KCNK1: variants seen among roughly 807,000 people sequenced by gnomAD.
KCNK1 encodes potassium two pore domain channel subfamily K member 1.
Under a neutral mutation model 22.2 loss-of-function variants are expected in KCNK1, and 10 were observed. That is an observed-to-expected ratio of 0.45 (90% CI 0.28 to 0.76). The LOEUF (loss-of-function observed/expected upper bound fraction) is 0.76, where lower values mean the gene tolerates loss of function less well. KCNK1 is among the 30% of genes least tolerant of loss of function. KCNK1 has a pLI of 0.14. For synonymous variants in KCNK1, 200 were observed against 186.4 expected (o/e 1.07, Z -0.60); for missense variants, 378 against 421.0 (o/e 0.90, Z 0.89).
At chr1:233,633,814 G>A (rs374322698) in intron 1 of KCNK1, among the ~76,000 whole-genome samples, 6 of 152,072 alleles carry the variant, frequency 3.9e-5, no homozygotes, top group Admixed American at 3.3e-4. Flanking sequence ...ATTAAGCCTC[G>A]TTAATGGTAG....
intron 1 of KCNK1, among the ~76,000 whole-genome samples, chr1:233,646,278 A>G (rs954105554): frequency 6.6e-6 from 1 of 152,166 alleles, no homozygotes; most frequent in Non-Finnish European, 1.5e-5. Context: ...TTTCCAAAAA[A>G]GATACCCATA....
chr1:233,656,655 C>T (rs1305264899), intron 1 of KCNK1, among the ~76,000 whole-genome samples: 4 of 152,166 alleles, frequency 2.6e-5, no homozygotes, highest in Non-Finnish European at 5.9e-5. Flanking sequence ...AGTCTCTCGT[C>T]GTCTAGGCTG....
At chr1:233,620,866 A>G (rs1176104355) in intron 1 of KCNK1, among the ~76,000 whole-genome samples, 8 of 152,242 alleles carry the variant, frequency 5.3e-5, no homozygotes, top group East Asian at 1.9e-4. Flanking sequence ...TTAAAATAAC[A>G]TCTTTATTGA....
intron 1 of KCNK1, among the ~76,000 whole-genome samples, chr1:233,648,933 T>C (rs571729614): frequency 7.2e-4 from 109 of 152,264 alleles, no homozygotes; most frequent in Non-Finnish European, 1.2e-3. Context: ...GCTCCATACC[T>C]TCTTTATTCT....
chr1:233,657,640 A>G (rs1403848754), intron 1 of KCNK1, among the ~76,000 whole-genome samples: 1 of 152,042 alleles, frequency 6.6e-6, no homozygotes, highest in Non-Finnish European at 1.5e-5. Flanking sequence ...AAGAAAAGAA[A>G]GAAAAAAGAA....
Position 233,666,877 on chromosome 1 carries a change from T to C in KCNK1, c.638T>C (p.Leu213Pro), listed in dbSNP as rs996357298. The C allele has an allele frequency of 2.5e-6, 4 of 1,614,054 alleles. No individual in the cohort carries two copies. The African/African-American group carries it at 4.0e-5, about 16-fold the overall frequency. The change falls in exon 2 of 3, where the codon CTG (leucine) becomes CCG (proline). Residue 213 changes from leucine (L) to proline (P), a missense_variant. Coordinates refer to ENST00000366621, the MANE Select transcript of KCNK1 (RefSeq NM_002245.4). The part of the protein sequence containing the change: ...FSVLEDDWNF[L>P]ESFYFCFISL... ...GTCCTGGAGGATGACTGGAACTTCC[T>C]GGAATCCTTTTATTTTTGTTTTATT...
At chr1:233,642,449 G>A (rs72762246) in intron 1 of KCNK1, among the ~76,000 whole-genome samples, 49,233 of 152,074 alleles carry the variant, frequency 0.32, 9,072 homozygotes, top group East Asian at 0.41. Context: ...TGGCCCTGAG[G>A]GGCTTGAAGA....
chr1:233,620,641 G>C (rs1276729033), intron 1 of KCNK1, among the ~76,000 whole-genome samples: 2 of 152,126 alleles, frequency 1.3e-5, no homozygotes, highest in Non-Finnish European at 2.9e-5. Context: ...GTATTAGCCA[G>C]AAGAGAGATC....
At chr1:233,626,939 A>G (rs983543379) in intron 1 of KCNK1, among the ~76,000 whole-genome samples, 3 of 152,210 alleles carry the variant, frequency 2.0e-5, no homozygotes, top group African/African-American at 7.2e-5. Context: ...AGGAGTAGCT[A>G]ATATTAAATA....
rs914895463 is a variant in KCNK1 at position 233,672,210 on chromosome 1, G to A, written c.*680G>A. On this transcript the variant is annotated 3_prime_UTR_variant, in exon 3 of 3. Coordinates refer to ENST00000366621, the MANE Select transcript of KCNK1 (RefSeq NM_002245.4). ...CAGAGTTGCTACAATAAAATAAGGGGAATAATAAACTTGAGAGTGAATAAC... is the reference window on the plus strand; with the variant it reads ...CAGAGTTGCTACAATAAAATAAGGGAAATAATAAACTTGAGAGTGAATAAC... 1 of 152,438 alleles carries A rather than the reference G, an allele frequency of 6.6e-6. No homozygotes were observed. Among genetic ancestry groups the A allele is most frequent in the Admixed American group, 6.6e-5 (1 of 15,246 alleles). 9.4% of individuals were successfully genotyped at this position (152,438 alleles called of 1,614,324 possible). A position where few individuals can be genotyped will look rare whatever the true frequency, so the allele number is the denominator to read the frequency against.
At chr1:233,628,555 T>C (rs905721645) in intron 1 of KCNK1, among the ~76,000 whole-genome samples, 3 of 151,906 alleles carry the variant, frequency 2.0e-5, no homozygotes, top group Non-Finnish European at 4.4e-5. Context: ...AGCTCAGGAG[T>C]TCGAGACCAG....
intron 1 of KCNK1, chr1:233,624,239 G>A (rs1657646208): frequency 6.5e-6 from 1 of 153,022 alleles, no homozygotes; most frequent in Admixed American, 6.5e-5. Flanking sequence ...ATGCACTGAG[G>A]AGGGAGGCGG....
At chr1:233,642,843 AC>A (rs1202744355) in intron 1 of KCNK1, among the ~76,000 whole-genome samples, 1 of 151,304 alleles carries the variant, frequency 6.6e-6, no homozygotes, top group Non-Finnish European at 1.5e-5. Context: ...ATCTAGGCTC[AC>A]TGCAACCACT....
chr1:233,646,098 G>A (rs1342925986), intron 1 of KCNK1, among the ~76,000 whole-genome samples: 1 of 152,138 alleles, frequency 6.6e-6, no homozygotes, highest in African/African-American at 2.4e-5. Context: ...TTCTTTCATG[G>A]ACGTATTGAT....
In KCNK1 at chr1:233,666,824, C is replaced by T. The variant is rs2102911410; in HGVS notation, c.585C>T (p.Phe195=). Residue 195 remains phenylalanine (F), a synonymous_variant, in exon 2 of 3, where the codon TTC becomes TTT. Coordinates refer to ENST00000366621, the MANE Select transcript of KCNK1 (RefSeq NM_002245.4). ...VLLGFVTVSC[F]FFIPAAVFSV... is the part of the protein sequence containing the mutation. ...TTGGGTTTGTCACTGTGTCCTGCTT[C>T]TTCTTCATCCCGGCCGCTGTCTTCT... 1.9e-6 allele frequency: 3 copies of T among 1,614,238 alleles called. No homozygotes were observed. The highest frequency in any genetic ancestry group is 1.1e-5 in the South Asian group (1 of 91,090).
intron 1 of KCNK1, among the ~76,000 whole-genome samples, chr1:233,657,993 A>T (rs1658329298): frequency 6.6e-6 from 1 of 152,156 alleles, no homozygotes; most frequent in South Asian, 2.1e-4. Flanking sequence ...CAGTTTTAGG[A>T]AGCAAGGCCT....
chr1:233,621,551 G>A (rs958950978), intron 1 of KCNK1, among the ~76,000 whole-genome samples: 3 of 152,178 alleles, frequency 2.0e-5, no homozygotes, highest in African/African-American at 7.2e-5. Flanking sequence ...CCACGTCCTT[G>A]AATCATCAAG....
At chr1:233,620,117 A>G (rs1045035735) in intron 1 of KCNK1, among the ~76,000 whole-genome samples, 7 of 152,262 alleles carry the variant, frequency 4.6e-5, no homozygotes, top group Non-Finnish European at 1.0e-4. Context: ...TATGAAAATC[A>G]AATTTCATTG....
rs749038092 is a variant in KCNK1 at position 233,614,356 on chromosome 1, GCTT to G, written c.189_191del (p.Phe63del). 1 of 1,611,264 alleles carries G rather than the reference GCTT, an allele frequency of 6.2e-7. No individual in the cohort carries two copies. Among genetic ancestry groups the G allele is most frequent in the East Asian group, 2.2e-5 (1 of 44,794 alleles). On this transcript the variant is annotated inframe_deletion, in exon 1 of 3. Transcript: ENST00000366621. ...CAGGAGCTGCGCAAGCTGAAGCGAC[GCTT>G]CTTGGAGGAGCACGAGTGCCTGTCT... is the stretch of plus-strand genomic sequence containing the variant.
Sources: allele counts gnomAD v4.1 joint callset (sites outside exome capture counted in the v4.1 genomes callset), GRCh38; gene constraint gnomAD v4.1.1; transcripts MANE v1.5; gene names NCBI Gene and HGNC (gene_info 2026-07-23, HGNC 2026-07-21).